The following ELL2 variants were observed in gnomAD, a reference collection of about 807,000 sequenced individuals.
ELL2 encodes the protein RNA polymerase II elongation factor ELL2.
A neutral mutation model predicts 72.8 loss-of-function variants in ELL2; 21 were observed. That is an observed-to-expected ratio of 0.29 (90% CI 0.20 to 0.42). ELL2 has a LOEUF of 0.42. ELL2 is among the 10% of genes least tolerant of loss of function. The pLI, the probability that ELL2 is intolerant of heterozygous loss-of-function variation, is 1.00. For synonymous variants in ELL2, 266 were observed against 283.2 expected (o/e 0.94, Z 0.61); for missense variants, 568 against 772.8 (o/e 0.73, Z 3.14).
intron 8 of ELL2, among the ~76,000 whole-genome samples, chr5:95,897,797 C>CCTTT (rs1054781320): frequency 1.3e-5 from 2 of 152,160 alleles, no homozygotes; most frequent in African/African-American, 4.8e-5. Flanking sequence ...AAAAAGTTGA[C>CCTTT]CTTTCCCCTG....
chr5:95,888,897 G>T lies in ELL2; in HGVS notation c.1897C>A (p.Gln633Lys), dbSNP rs965443805. 3.1e-6 allele frequency: 5 copies of T among 1,609,210 alleles called. No homozygotes were observed. In the African/African-American group the frequency reaches 6.7e-5, roughly 22 times the overall value. ...TAGGACCATGACTCTGCTTGCTGTT[G>T]GTCAAATTCACCTATTAGCCTTTTG... The part of the protein sequence containing the change: ...HIKRLIGEFD[Q>K]QQAESWS The change falls in exon 12 of 12, where the codon CAA becomes AAA. Residue 633 changes from glutamine (Q) to lysine (K), a missense_variant. Coordinates refer to ENST00000237853, the MANE Select transcript of ELL2 (RefSeq NM_012081.6).
chr5:95,959,185 A>G (rs1284104519), intron 1 of ELL2, among the ~76,000 whole-genome samples: 2 of 152,034 alleles, frequency 1.3e-5, no homozygotes, highest in East Asian at 1.9e-4. Context: ...TCATCTGCCC[A>G]CTTTCCCCAC....
At chr5:95,940,618 T>C (rs1750935575) in intron 2 of ELL2, among the ~76,000 whole-genome samples, 1 of 152,180 alleles carries the variant, frequency 6.6e-6, no homozygotes, top group Non-Finnish European at 1.5e-5. Flanking sequence ...ATCATGACAG[T>C]TAAGGTACAA....
At position 95,888,251 on chromosome 5, in the gene ELL2, G is replaced by C. The variant is rs1360453349; in HGVS notation, c.*620C>G. On this transcript the variant is annotated 3_prime_UTR_variant, in exon 12 of 12. Coordinates refer to ENST00000237853, the MANE Select transcript of ELL2 (RefSeq NM_012081.6). ...ACACCTTAAGGCAACCATTGCAATG[G>C]GGGGTTAACTTGCAGGGCGGATTTA... 6.6e-6 allele frequency: 1 copy of C among 152,572 alleles called. No individual in the cohort carries two copies. The highest frequency in any genetic ancestry group is 2.4e-5 in the African/African-American group (1 of 41,410). The allele number at this position is 152,572 out of a possible 1,614,324, so 9.5% of individuals were successfully genotyped here.
intron 5 of ELL2, among the ~76,000 whole-genome samples, chr5:95,904,627 G>A (rs571510400): frequency 6.6e-6 from 1 of 152,276 alleles, no homozygotes; most frequent in South Asian, 2.1e-4. Flanking sequence ...ATCTCTACTG[G>A]CACAGGCAAA....
chr5:95,891,012 A>C, intron 10 of ELL2, 91 bp downstream of exon 10: 2 of 1,503,934 alleles, frequency 1.3e-6, no homozygotes, highest in East Asian at 4.5e-5. Flanking sequence ...ACTTACTCTA[A>C]AGGCCACTGT....
At chr5:95,902,618 C>G (rs1319807606) in intron 5 of ELL2, among the ~76,000 whole-genome samples, 3 of 152,168 alleles carry the variant, frequency 2.0e-5, no homozygotes, top group East Asian at 1.9e-4. Context: ...CACAACTTAG[C>G]TGAACACTAT....
At chr5:95,913,676 G>A in intron 4 of ELL2, 95 bp downstream of exon 4, 1 of 1,291,106 alleles carries the variant, frequency 7.7e-7, no homozygotes, top group East Asian at 2.8e-5. Flanking sequence ...ACTAGTTTCT[G>A]TGTTTTCATT....
intron 5 of ELL2, among the ~76,000 whole-genome samples, chr5:95,904,478 T>C (rs1749270781): frequency 6.6e-6 from 1 of 152,370 alleles, no homozygotes; most frequent in Non-Finnish European, 1.5e-5. Context: ...TCCTGGTGGA[T>C]GTTAAGCACT....
intron 2 of ELL2, among the ~76,000 whole-genome samples, chr5:95,921,147 G>A (rs1437435193): frequency 1.3e-5 from 2 of 152,184 alleles, no homozygotes; most frequent in Non-Finnish European, 2.9e-5. Context: ...AAGAAAAAAA[G>A]GTAAGAAGGG....
chr5:95,926,551 C>T (rs1237521838), intron 2 of ELL2, among the ~76,000 whole-genome samples: 1 of 152,146 alleles, frequency 6.6e-6, no homozygotes, highest in Non-Finnish European at 1.5e-5. Flanking sequence ...CATTGTTCCT[C>T]TTTAGCAAGA....
At position 95,891,090 on chromosome 5, in the gene ELL2, C is replaced by T. The variant is rs368746521; in HGVS notation, c.1761+13G>A. ...ATATGAAAGTCAGCCCATCTAGTTA[C>T]AAATCCATTTACCTGATACTCTTTT... On this transcript the variant is annotated intron_variant, in intron 10 of 11. Coordinates refer to ENST00000237853, the MANE Select transcript of ELL2 (RefSeq NM_012081.6). 5.6e-6 allele frequency: 9 copies of T among 1,613,936 alleles called. No homozygotes were observed. The highest frequency in any genetic ancestry group is 1.3e-5 in the African/African-American group (1 of 74,908).
chr5:95,944,055 A>G (rs1220573286), intron 1 of ELL2, among the ~76,000 whole-genome samples: 1 of 152,194 alleles, frequency 6.6e-6, no homozygotes, highest in Non-Finnish European at 1.5e-5. Context: ...TTCTGGTCTC[A>G]TCTCTACCCC....
chr5:95,920,783 T>C (rs1259363991), intron 2 of ELL2, among the ~76,000 whole-genome samples: 1 of 152,174 alleles, frequency 6.6e-6, no homozygotes, highest in African/African-American at 2.4e-5. Flanking sequence ...TTGGCAAGAA[T>C]GTAAAATATG....
intron 1 of ELL2, among the ~76,000 whole-genome samples, chr5:95,954,596 C>CTTTTTTTTTTTTTTTTTTTTTTTTT (rs1169301940): frequency 2.8e-5 from 3 of 105,870 alleles, no homozygotes; most frequent in Admixed American, 1.1e-4. Flanking sequence ...TTTTTTTTTT[C>CTTTTTTTTTTTTTTTTTTTTTTTTT]TTTTTTTTTT....
At chr5:95,945,621 G>A (rs754900248) in intron 1 of ELL2, among the ~76,000 whole-genome samples, 10 of 152,338 alleles carry the variant, frequency 6.6e-5, no homozygotes, top group Middle Eastern at 6.8e-3. Context: ...ACTGGGAAGT[G>A]TAGTAAGAAT....
intron 4 of ELL2, among the ~76,000 whole-genome samples, chr5:95,912,677 T>A (rs1749651409): frequency 6.6e-6 from 1 of 152,160 alleles, no homozygotes; most frequent in Non-Finnish European, 1.5e-5. Flanking sequence ...GCCCCATGGG[T>A]ACAAATATCT....
chr5:95,896,546 T>C (rs1468851648), intron 8 of ELL2, among the ~76,000 whole-genome samples: 1 of 152,188 alleles, frequency 6.6e-6, no homozygotes, highest in African/African-American at 2.4e-5. Flanking sequence ...TAAACAAATA[T>C]TAATACATAG....
intron 1 of ELL2, among the ~76,000 whole-genome samples, chr5:95,961,025 CCT>C (rs1260812622): frequency 6.6e-6 from 1 of 152,092 alleles, no homozygotes; most frequent in Non-Finnish European, 1.5e-5. Flanking sequence ...CAGTGTGTCC[CCT>C]GATACGTGGA....
Sources: allele counts gnomAD v4.1 joint callset (sites outside exome capture counted in the v4.1 genomes callset), GRCh38; gene constraint gnomAD v4.1.1; transcripts MANE v1.5; gene names NCBI Gene and HGNC (gene_info 2026-07-23, HGNC 2026-07-21).